The following HRNR variants were observed in gnomAD, a reference collection of about 807,000 sequenced individuals.
HRNR encodes filaggrin family member 3.
HRNR carries 7 observed loss-of-function variants against 4.8 expected under a neutral mutation model. The ratio of observed to expected loss-of-function variants is 1.47; its 90% confidence interval spans 0.83 to 2.75. The LOEUF is 2.75. HRNR is among the 30% of genes most tolerant of loss of function. The pLI is 0.00. For synonymous variants in HRNR, 1,023 were observed against 1,242.7 expected (o/e 0.82, Z 3.72); for missense variants, 2,879 against 3,010.4 (o/e 0.96, Z 1.02).
rs140335860 is a variant in HRNR, at chr1:152,218,627, G to A, written c.3002C>T (p.Ser1001Phe). The change falls in exon 3 of 3, where the codon TCT becomes TTT. Residue 1001 changes from serine (S) to phenylalanine (F), a missense_variant. Physicochemically the swap from Ser to Phe is radical, Grantham distance 155. This residue lies in a region of HRNR where 2,646 missense variants were observed against 1,377.7 expected (regional missense o/e 1.92). Coordinates refer to ENST00000368801, the MANE Select transcript of HRNR (RefSeq NM_001009931.3). ...RQSLGHGQHG[S>F]GSGQSPSPSR... is the part of the protein sequence containing the mutation. The stretch of plus-strand genomic sequence containing the variant: ...AGGGCTAGGAGACTGGCCAGATCCA[G>A]ACCCATGTTGGCCGTGGCCCAAAGA... 6.2e-7 allele frequency: 1 copy of A among 1,612,874 alleles called. No homozygotes were observed. The highest frequency in any genetic ancestry group is 8.5e-7 in the Non-Finnish European group (1 of 1,179,766).
intron 2 of HRNR, among the ~76,000 whole-genome samples, chr1:152,222,590 AG>A (rs939887241): frequency 4.6e-5 from 7 of 152,306 alleles, no homozygotes; most frequent in Non-Finnish European, 2.9e-5. Flanking sequence ...TGAAGGAAAA[AG>A]GTTAGTGGGG....
At position 152,220,068 on chromosome 1, in the gene HRNR, C is replaced by G. The variant is rs368838662; in HGVS notation, c.1561G>C (p.Gly521Arg). ...CCCAAAGATTGACGGGAGCCAGACCCATGCTGACCATAGCTGGAAGATGAA... is the reference window on the plus strand; with the variant it reads ...CCCAAAGATTGACGGGAGCCAGACCGATGCTGACCATAGCTGGAAGATGAA... ...AGSSSSYGQH[G>R]SGSRQSLGHS... The change falls in exon 3 of 3, where the codon GGG becomes CGG. Residue 521 changes from glycine to arginine, a missense_variant. This residue lies in a region of HRNR where 2,646 missense variants were observed against 1,377.7 expected (regional missense o/e 1.92). Coordinates refer to ENST00000368801, the MANE Select transcript of HRNR (RefSeq NM_001009931.3). 6.8e-6 allele frequency: 11 copies of G among 1,613,568 alleles called. No individual in the cohort carries two copies. Among genetic ancestry groups the G allele is most frequent in the Non-Finnish European group, 8.5e-6 (10 of 1,179,756 alleles).
chr1:152,213,245 G>A lies in HRNR; in HGVS notation c.8384C>T (p.Ser2795Phe). The change falls in exon 3 of 3, where the codon TCC becomes TTC. Residue 2795 changes from serine to phenylalanine, a missense_variant. By Grantham distance (155) the Ser-to-Phe change is radical (BLOSUM62 -2). Coordinates refer to ENST00000368801, the MANE Select transcript of HRNR (RefSeq NM_001009931.3). ...ACTTCCATGCTGACTATAACCAGAG[G>A]ACTGTCCTGAGCCAGACCCATGTTG... Reference protein sequence around the residue: ...YGQHGSGSGQSSGYSQHGSGS... With the variant: ...YGQHGSGSGQFSGYSQHGSGS... The A allele has an allele frequency of 6.2e-7, 1 of 1,612,544 alleles. No homozygotes were observed. The highest frequency in any genetic ancestry group is 8.5e-7 in the Non-Finnish European group (1 of 1,179,294).
rs755201410 is a variant in HRNR at position 152,213,116 on chromosome 1, T to C, written c.8513A>G (p.Tyr2838Cys). 1.2e-5 allele frequency: 19 copies of C among 1,613,774 alleles called. No individual in the cohort carries two copies. The highest frequency in any genetic ancestry group is 1.1e-4 in the South Asian group (10 of 91,084). ...GCACCTCTGCTCTTGGACATATTCA[T>C]AGGGTGAAGTGCTACTAGGAAAACT... ...FLSFPSSTSP[Y>C]EYVQEQRCYF... Residue 2838 changes from tyrosine to cysteine, a missense_variant, in exon 3 of 3, where the codon TAT becomes TGT. Tyr to Cys is a radical substitution (Grantham distance 194). This residue lies in a region of HRNR where 158 missense variants were observed against 107.6 expected (regional missense o/e 1.47). Transcript: ENST00000368801.
rs751345138 is a variant in HRNR, at chr1:152,219,038, G to A, written c.2591C>T (p.Ser864Phe). The A allele has an allele frequency of 4.3e-6, 7 of 1,613,956 alleles. No individual in the cohort carries two copies. In the African/African-American group the frequency reaches 9.3e-5, roughly 22 times the overall value. ...AGACTCATGCTGACCATAGCTGGAA[G>A]ATTGACCTGAGCTAGAGTCATGTTG... ...SGQHDSSSGQ[S>F]SSYGQHESAS... The change falls in exon 3 of 3, where the codon TCT becomes TTT. Residue 864 changes from serine to phenylalanine, a missense_variant. Transcript: ENST00000368801.
At chr1:152,222,625 C>T (rs1430369688) in intron 2 of HRNR, among the ~76,000 whole-genome samples, 1 of 152,172 alleles carries the variant, frequency 6.6e-6, no homozygotes, top group Non-Finnish European at 1.5e-5. Flanking sequence ...TCATAGCTGA[C>T]ACACTGAATA....
At position 152,219,987 on chromosome 1, in the gene HRNR, G is replaced by T; in HGVS notation, c.1642C>A (p.His548Asn). The part of the protein sequence containing the change: ...GQSPSPSRGR[H>N]ESGSRQSSSY... ...GAAGACTGCCTGGAACCAGACTCAT[G>T]TCGGCCACGGCTAGGGCTAGGAGAC... is the stretch of plus-strand genomic sequence containing the variant. Residue 548 changes from histidine to asparagine, a missense_variant, in exon 3 of 3, where the codon CAT (histidine) becomes AAT (asparagine). This residue lies in a region of HRNR where 2,646 missense variants were observed against 1,377.7 expected (regional missense o/e 1.92). Coordinates refer to ENST00000368801, the MANE Select transcript of HRNR (RefSeq NM_001009931.3). 2 of 1,613,150 alleles carry T rather than the reference G, an allele frequency of 1.2e-6. No homozygotes were observed. The highest frequency in any genetic ancestry group is 1.7e-6 in the Non-Finnish European group (2 of 1,179,796).
In HRNR at chr1:152,218,852, G is replaced by A. The variant is rs202240072; in HGVS notation, c.2777C>T (p.Ser926Leu). The A allele has an allele frequency of 5.0e-6, 8 of 1,613,670 alleles. No homozygotes were observed. The highest frequency in any genetic ancestry group is 6.8e-6 in the Non-Finnish European group (8 of 1,179,906). The change falls in exon 3 of 3, where the codon TCA becomes TTA. Residue 926 changes from serine (S) to leucine (L), a missense_variant. Physicochemically the swap from Ser to Leu is moderately radical, Grantham distance 145 (BLOSUM62 -2). Around this residue, in one of 8 missense-constraint regions of HRNR, gnomAD observed 2,646 missense variants for 1,377.7 expected, o/e 1.92. Transcript: ENST00000368801. ...GTGACCAAAGCCAGAAGACTGGCCT[G>A]AGCCAGACCCATGTCGGCCACTGCT... ...SSSSGRHGSG[S>L]GQSSGFGHKS...
Position 152,219,849 on chromosome 1 carries a change from A to T in HRNR, c.1780T>A (p.Ser594Thr), listed in dbSNP as rs1407469908. Residue 594 changes from serine (S) to threonine (T), a missense_variant, in exon 3 of 3, where the codon TCC (serine) becomes ACC (threonine). Ser to Thr is a moderately conservative substitution (Grantham distance 58). Transcript: ENST00000368801. ...GATCCGTGTTGACCGTAGCCAGAGGACTGTCCTGAGCGAGACTCTTGGTGA... is the reference window on the plus strand; with the variant it reads ...GATCCGTGTTGACCGTAGCCAGAGGTCTGTCCTGAGCGAGACTCTTGGTGA... ...LGHQESRSGQ[S>T]SGYGQHGSSS... 11 of 1,612,260 alleles carry T rather than the reference A, an allele frequency of 6.8e-6. No homozygotes were observed. Among genetic ancestry groups the T allele is most frequent in the Non-Finnish European group, 9.3e-6 (11 of 1,178,934 alleles).
rs760657358 is a variant in HRNR, at chr1:152,219,067, G to A, written c.2562C>T (p.Ser854=). Residue 854 remains serine, a synonymous_variant, in exon 3 of 3, where the codon TCC becomes TCT. Coordinates refer to ENST00000368801, the MANE Select transcript of HRNR (RefSeq NM_001009931.3). ...GACCTGAGCTAGAGTCATGTTGGCC[G>A]GAGCTTGATGACTGCCCTGACGTAG... ...HGSTSGQSSS[S]GQHDSSSGQS... 19 of 1,612,172 alleles carry A rather than the reference G, an allele frequency of 1.2e-5. No homozygotes were observed. The highest frequency in any genetic ancestry group is 7.7e-5 in the South Asian group (7 of 90,960).
chr1:152,220,739 C>T lies in HRNR; in HGVS notation c.890G>A (p.Gly297Asp), dbSNP rs1648951327. 1 of 1,613,992 alleles carries T rather than the reference C, an allele frequency of 6.2e-7. No homozygotes were observed. Among genetic ancestry groups the T allele is most frequent in the South Asian group, 1.1e-5 (1 of 91,086 alleles). The change falls in exon 3 of 3, where the codon GGC becomes GAC. Residue 297 changes from glycine (G) to aspartate (D), a missense_variant. Gly to Asp is a moderately conservative substitution (Grantham distance 94). Transcript: ENST00000368801. ...GSGSRQSLGH[G>D]RQGSGSRQSP... ...CTGGCGAGATCCAGACCCTTGTCGG[C>T]CGTGGCCCAAAGACTGACGGGAACC... is the stretch of plus-strand genomic sequence containing the variant.
Position 152,219,438 on chromosome 1 carries a change from A to G in HRNR, c.2191T>C (p.Ser731Pro). The change falls in exon 3 of 3, where the codon TCT (serine) becomes CCT (proline). Residue 731 changes from serine to proline, a missense_variant. Ser to Pro is a moderately conservative substitution (Grantham distance 74). Transcript: ENST00000368801. ...CTCCTAGATGACTGTCCTGACCTAG[A>G]GCCGTGTTTTCTGTAGCCGGAGGAG... ...SHSSGYRKHG[S>P]RSGQSSRSEQ... The G allele has an allele frequency of 6.2e-7, 1 of 1,613,988 alleles. No homozygotes were observed. The highest frequency in any genetic ancestry group is 8.5e-7 in the Non-Finnish European group (1 of 1,180,000).
Position 152,220,921 on chromosome 1 carries a change from A to G in HRNR, c.708T>C (p.Ser236=), listed in dbSNP as rs1235397253. ...TGTAACCAGAGGACTGCCCTGAGCTAGACTTGTGTTGACTAAAGCCAGAAG... is the reference window on the plus strand; with the variant it reads ...TGTAACCAGAGGACTGCCCTGAGCTGGACTTGTGTTGACTAAAGCCAGAAG... The part of the protein sequence containing the change: ...GQSSGFSQHK[S]SSGQSSGYSQ... The change falls in exon 3 of 3, where the codon TCT becomes TCC. Residue 236 remains serine (S), a synonymous_variant. Transcript: ENST00000368801. 3 of 1,612,460 alleles carry G rather than the reference A, an allele frequency of 1.9e-6. No homozygotes were observed. The highest frequency in any genetic ancestry group is 8.5e-7 in the Non-Finnish European group (1 of 1,178,372).
rs148566293 is a variant in HRNR, at chr1:152,220,219, A to G, written c.1410T>C (p.Ser470=). ...TGTAACCAGAGGAATGCTCTGAGCT[A>G]GACTCGTGGTGACCAAAGCCAGAAG... ...GYSSGFGHHE[S]SSEHSSGYTQ... The change falls in exon 3 of 3, where the codon TCT becomes TCC. Residue 470 remains serine (S), a synonymous_variant. Coordinates refer to ENST00000368801, the MANE Select transcript of HRNR (RefSeq NM_001009931.3). 3.1e-6 allele frequency: 5 copies of G among 1,613,680 alleles called. No homozygotes were observed. In the African/African-American group the frequency reaches 5.3e-5, roughly 17 times the overall value.
In HRNR at chr1:152,219,611, G is replaced by T. The variant is rs1648861419; in HGVS notation, c.2018C>A (p.Ser673Tyr). Reference sequence around the variant, plus strand: ...GCCAGACCCATGTTGGCCGTAGCTGGAAGAGTGCCCAAAATCGGACCCATG... The same window carrying T: ...GCCAGACCCATGTTGGCCGTAGCTGTAAGAGTGCCCAAAATCGGACCCATG... ...GRHGSDFGHS[S>Y]SYGQHGSGSG... Residue 673 changes from serine to tyrosine, a missense_variant, in exon 3 of 3, where the codon TCC becomes TAC. This residue lies in a region of HRNR where 2,646 missense variants were observed against 1,377.7 expected (regional missense o/e 1.92). Coordinates refer to ENST00000368801, the MANE Select transcript of HRNR (RefSeq NM_001009931.3). 6.2e-7 allele frequency: 1 copy of T among 1,610,628 alleles called. No individual in the cohort carries two copies. The highest frequency in any genetic ancestry group is 8.5e-7 in the Non-Finnish European group (1 of 1,177,848).
chr1:152,220,524 C>T lies in HRNR; in HGVS notation c.1105G>A (p.Gly369Ser). 1.9e-6 allele frequency: 3 copies of T among 1,611,662 alleles called. No homozygotes were observed. Among genetic ancestry groups the T allele is most frequent in the East Asian group, 2.2e-5 (1 of 44,776 alleles). ...SGYSKHGSGS[G>S]HSSSQGQHGS... is the part of the protein sequence containing the mutation. ...TGTTGTCCCTGGCTAGAGGAGTGAC[C>T]TGAGCCAGAACCATGCTTACTATAG... is the stretch of plus-strand genomic sequence containing the variant. Residue 369 changes from glycine (G) to serine (S), a missense_variant, in exon 3 of 3, where the codon GGT becomes AGT. This residue lies in a region of HRNR where 2,646 missense variants were observed against 1,377.7 expected (regional missense o/e 1.92). Transcript: ENST00000368801.
Position 152,218,462 on chromosome 1 carries a change from C to T in HRNR, c.3167G>A (p.Arg1056His), listed in dbSNP as rs139994162. Residue 1056 changes from arginine to histidine, a missense_variant, in exon 3 of 3, where the codon CGC becomes CAC. Transcript: ENST00000368801. ...ACCGTAGCCAGAGGACTGTCCTGAG[C>T]GAGACTCTCGGTGACCTAAGCCAGA... ...HSSGLGHRESRSGQSSGYGQH... is the reference protein window; with the variant it reads ...HSSGLGHRESHSGQSSGYGQH... 535 of 1,613,160 alleles carry T rather than the reference C, an allele frequency of 3.3e-4. 1 individual carries two copies. The Admixed American group carries it at 4.6e-3, about 14-fold the overall frequency.
At position 152,218,955 on chromosome 1, in the gene HRNR, C is replaced by T. The variant is rs781261521; in HGVS notation, c.2674G>A (p.Gly892Ser). The change falls in exon 3 of 3, where the codon GGC becomes AGC. Residue 892 changes from glycine (G) to serine (S), a missense_variant. This residue lies in a region of HRNR where 2,646 missense variants were observed against 1,377.7 expected (regional missense o/e 1.92). Coordinates refer to ENST00000368801, the MANE Select transcript of HRNR (RefSeq NM_001009931.3). ...RHGSGSGQSP[G>S]HGQRGSGSGQ... The stretch of plus-strand genomic sequence containing the variant: ...GACCCAGACCCACGCTGGCCGTGGC[C>T]TGGAGACTGGCCAGATCCAGAGCCA... The T allele has an allele frequency of 4.3e-6, 7 of 1,612,936 alleles. No individual in the cohort carries two copies. The highest frequency in any genetic ancestry group is 2.7e-5 in the African/African-American group (2 of 74,614).
Position 152,221,323 on chromosome 1 carries a change from T to C in HRNR, c.306A>G (p.Arg102=), listed in dbSNP as rs1648994420. 6.2e-7 allele frequency: 1 copy of C among 1,614,010 alleles called. No homozygotes were observed. The highest frequency in any genetic ancestry group is 8.5e-7 in the Non-Finnish European group (1 of 1,180,018). ...CCTCTTGGTGCTGGTGAGTGTCATC[T>C]CTCAGCTTTGACCCTGAAACTTGGC... is the stretch of plus-strand genomic sequence containing the variant. ...DYCQVSGSKL[R]DDTHQHQEEQ... The change falls in exon 3 of 3, where the codon AGA becomes AGG. Residue 102 remains arginine, a synonymous_variant. Coordinates refer to ENST00000368801, the MANE Select transcript of HRNR (RefSeq NM_001009931.3).
Sources: gnomAD v4.1 joint callset for allele counts (sites outside exome capture counted in the v4.1 genomes callset) on GRCh38, gnomAD v4.1.1 for gene constraint, gnomAD v4.1.1 regional missense constraint, MANE v1.5 for transcripts, NCBI Gene and HGNC (gene_info 2026-07-23, HGNC 2026-07-21) for gene names.